DYNC2I1: variants seen among roughly 807,000 people sequenced by gnomAD.
DYNC2I1 encodes the protein cytoplasmic dynein 2 intermediate chain 1.
Under a neutral mutation model 133.4 loss-of-function variants are expected in DYNC2I1, and 89 were observed. The observed-to-expected ratio is 0.67, with a 90% CI of 0.56 to 0.80. The LOEUF is 0.80. Ranked by LOEUF, DYNC2I1 falls within the 30% of genes least tolerant of loss-of-function variation. The pLI, the probability that DYNC2I1 is intolerant of heterozygous loss-of-function variation, is 0.00. For synonymous variants in DYNC2I1, 504 were observed against 484.3 expected (o/e 1.04, Z -0.54); for missense variants, 1,291 against 1,314.5 (o/e 0.98, Z 0.28).
chr7:158,929,662 G>A (rs1850013402), intron 20 of DYNC2I1, among the ~76,000 whole-genome samples: 3 of 152,392 alleles, frequency 2.0e-5, no homozygotes, highest in African/African-American at 2.4e-5. Flanking sequence ...CCCAGCTGCA[G>A]GTTGGGCTTA....
At position 158,900,454 on chromosome 7, in the gene DYNC2I1, AGT is replaced by A. The variant is rs1395558162; in HGVS notation, c.1060-1282_1060-1281del. 3.3e-5 allele frequency among the ~76,000 whole-genome samples: 5 copies of A among 152,208 alleles called. No homozygotes were observed. In the South Asian group the frequency reaches 1.0e-3, roughly 32 times the overall value. On this transcript the variant is annotated intron_variant, in intron 8 of 24. Transcript: ENST00000407559. ...CTTATCTATGTTCCTCAGTAGATAA[AGT>A]GTTTTTTCCCCATCTGGCTTCTTTC...
rs1337197245 is a variant in DYNC2I1, at chr7:158,902,242, TATAA to T, written c.1138-130_1138-127del. The T allele has an allele frequency of 2.1e-5, 15 of 730,544 alleles. No homozygotes were observed. The African/African-American group carries it at 2.3e-4, about 11-fold the overall frequency. 45.3% of individuals were successfully genotyped at this position (730,544 alleles called of 1,614,324 possible). On this transcript the variant is annotated intron_variant, in intron 9 of 24. Coordinates refer to ENST00000407559, the MANE Select transcript of DYNC2I1 (RefSeq NM_018051.5). ...TTCAAAAACATTAAAATCAGGGAACTATAAATATCTTTCTTAGCTGTAATAAGGA... is the reference window on the plus strand; with the variant it reads ...TTCAAAAACATTAAAATCAGGGAACTATATCTTTCTTAGCTGTAATAAGGA...
At chr7:158,929,594 A>C (rs1428998938) in intron 20 of DYNC2I1, among the ~76,000 whole-genome samples, 1 of 152,124 alleles carries the variant, frequency 6.6e-6, no homozygotes, top group Non-Finnish European at 1.5e-5. Flanking sequence ...AGTGGCGTTG[A>C]CCCTTCTTCA....
chr7:158,842,655 G>A, the DYNC2I1 span, among the ~76,000 whole-genome samples: 1 of 152,350 alleles, frequency 6.6e-6, no homozygotes, highest in Non-Finnish European at 1.5e-5. Context: ...CATGTCAAGT[G>A]CTGATGAGTG....
chr7:158,948,948 G>T (rs1214014459), downstream of DYNC2I1, among the ~76,000 whole-genome samples: 1 of 152,192 alleles, frequency 6.6e-6, no homozygotes, highest in Non-Finnish European at 1.5e-5. Flanking sequence ...AGGAGACACG[G>T]CCCTCCTACT....
chr7:158,942,608 A>C (rs1377342623), intron 24 of DYNC2I1, among the ~76,000 whole-genome samples: 1 of 152,244 alleles, frequency 6.6e-6, no homozygotes, highest in Non-Finnish European at 1.5e-5. Flanking sequence ...GTAAGAAATG[A>C]TAGTTTGTGA....
the DYNC2I1 span, among the ~76,000 whole-genome samples, chr7:158,847,183 T>C: frequency 1.3e-5 from 2 of 152,214 alleles, no homozygotes; most frequent in African/African-American, 2.4e-5. Flanking sequence ...CTTAAAGTCA[T>C]GTAATGTTAA....
At chr7:158,845,486 C>G in the DYNC2I1 span, among the ~76,000 whole-genome samples, 22 of 152,108 alleles carry the variant, frequency 1.4e-4, no homozygotes, top group African/African-American at 5.3e-4. Flanking sequence ...TATAAGGTGT[C>G]AAAATTTGCC....
At chr7:158,934,091 A>G in intron 21 of DYNC2I1, 38 bp from the exon 22 acceptor site, 1 of 1,390,910 alleles carries the variant, frequency 7.2e-7, no homozygotes, top group South Asian at 1.2e-5. Context: ...AAGGTTGGAA[A>G]CAGTCCATCT....
chr7:158,871,988 T>C (rs1842931070), intron 3 of DYNC2I1, among the ~76,000 whole-genome samples: 1 of 152,226 alleles, frequency 6.6e-6, no homozygotes, highest in Non-Finnish European at 1.5e-5. Context: ...TGTGTGTGTG[T>C]ACTTTTTATC....
intron 14 of DYNC2I1, among the ~76,000 whole-genome samples, chr7:158,916,866 G>A (rs1358014987): frequency 1.3e-5 from 1 of 77,780 alleles, no homozygotes; most frequent in Non-Finnish European, 3.0e-5. Flanking sequence ...ACGTCTACAC[G>A]CTGGTTGACA....
At chr7:158,883,484 C>T (rs114153966) in intron 5 of DYNC2I1, among the ~76,000 whole-genome samples, 2,333 of 151,246 alleles carry the variant, frequency 0.015, 52 homozygotes, top group African/African-American at 0.054. Context: ...CTACCAAGGC[C>T]AAGTGTTACA....
chr7:158,949,921 G>A (rs1490243419), downstream of DYNC2I1, among the ~76,000 whole-genome samples: 2 of 151,868 alleles, frequency 1.3e-5, no homozygotes, highest in Admixed American at 6.5e-5. Context: ...ACAGGCATGT[G>A]CCACCACACC....
At chr7:158,897,266 T>C (rs959449684) in intron 8 of DYNC2I1, among the ~76,000 whole-genome samples, 4 of 152,214 alleles carry the variant, frequency 2.6e-5, no homozygotes, top group African/African-American at 9.6e-5. Context: ...CCCAAAGTGC[T>C]GGTATTACAG....
chr7:158,887,836 G>T (rs1010780745), intron 7 of DYNC2I1, among the ~76,000 whole-genome samples: 1 of 152,100 alleles, frequency 6.6e-6, no homozygotes, highest in African/African-American at 2.4e-5. Flanking sequence ...CTTGTGACAT[G>T]TATTTATGCA....
intron 1 of DYNC2I1, 77 bp from the exon 2 acceptor site, chr7:158,869,778 C>T: frequency 9.0e-7 from 1 of 1,108,440 alleles, no homozygotes; most frequent in Non-Finnish European, 1.3e-6. Context: ...ATTTAAATGG[C>T]ATAATGAAAA....
At chr7:158,854,322 T>C (rs1841117946), upstream of DYNC2I1, among the ~76,000 whole-genome samples, 1 of 152,194 alleles carries the variant, frequency 6.6e-6, no homozygotes, top group South Asian at 2.1e-4. Context: ...ATCTCATGGC[T>C]AATTTGTTAG....
At chr7:158,859,010 C>T (rs1373698908) in intron 1 of DYNC2I1, among the ~76,000 whole-genome samples, 2 of 123,444 alleles carry the variant, frequency 1.6e-5, no homozygotes, top group African/African-American at 6.2e-5. Context: ...CCTCTCCTTT[C>T]CTTTCTTCAG....
chr7:158,851,491 C>T, the DYNC2I1 span, among the ~76,000 whole-genome samples: 177 of 151,892 alleles, frequency 1.2e-3, no homozygotes, highest in Non-Finnish European at 2.2e-3. Flanking sequence ...CATTGTAGTC[C>T]AGCCTGGGTG....
Sources: allele counts gnomAD v4.1 joint callset (sites outside exome capture counted in the v4.1 genomes callset), GRCh38; gene constraint gnomAD v4.1.1; transcripts MANE v1.5; gene names NCBI Gene and HGNC (gene_info 2026-07-23, HGNC 2026-07-21).